UBE4B: variants seen among roughly 807,000 people sequenced by gnomAD.
UBE4B encodes the protein ubiquitination factor E4B.
UBE4B carries 27 observed loss-of-function variants against 148.1 expected under a neutral mutation model. The ratio of observed to expected loss-of-function variants is 0.18; its 90% CI spans 0.13 to 0.25. UBE4B has a LOEUF of 0.25. UBE4B is among the 10% of genes least tolerant of loss of function. The probability of loss-of-function intolerance (pLI) is 1.00; values close to 1 mark genes in which losing one functional copy is unlikely to be tolerated. For missense variants in UBE4B, 1,170 were observed against 1,662.4 expected (o/e 0.70, Z 5.15); for synonymous variants, 596 against 619.3 (o/e 0.96, Z 0.56).
intron 1 of UBE4B, among the ~76,000 whole-genome samples, chr1:10,061,973 G>C (rs987491682): frequency 6.7e-6 from 1 of 150,090 alleles, no homozygotes; most frequent in African/African-American, 2.5e-5. Context: ...GCAGTGGCGC[G>C]ATCTTGGCTC....
chr1:10,175,385 C>T (rs1052356250), intron 25 of UBE4B, among the ~76,000 whole-genome samples: 2 of 152,176 alleles, frequency 1.3e-5, no homozygotes, highest in Non-Finnish European at 2.9e-5. Context: ...GGTGCAGTGG[C>T]TCACGCCTGT....
chr1:10,102,945 C>G lies in UBE4B; in HGVS notation c.436-3C>G. On this transcript the variant is annotated splice_region_variant and splice_polypyrimidine_tract_variant and intron_variant, in intron 4 of 27. Coordinates refer to ENST00000343090, the MANE Select transcript of UBE4B (RefSeq NM_001105562.3). The stretch of plus-strand genomic sequence containing the variant: ...TTAACCTGCAAATCTTCTTCTTCAC[C>G]AGGAGCCTTCCTCGGGCCCTGAAGT... The G allele has an allele frequency of 6.2e-7, 1 of 1,602,074 alleles. No homozygotes were observed. Among genetic ancestry groups the G allele is most frequent in the Non-Finnish European group, 8.5e-7 (1 of 1,172,012 alleles).
intron 25 of UBE4B, among the ~76,000 whole-genome samples, chr1:10,174,721 A>T (rs1646391675): frequency 6.9e-6 from 1 of 143,934 alleles, no homozygotes; most frequent in African/African-American, 2.8e-5. Context: ...AAAAAAAAAA[A>T]AGTGTTTTTG....
chr1:10,149,187 A>G lies in UBE4B; in HGVS notation c.2595A>G (p.Ile865Met). ...GTCCTTTTTTTCTCTTTGACAGTAT[A>G]ACACTGCCTTTAAATTCAGATGTCC... ...LRILDPAYPD[I>M]TLPLNSDVPK... Residue 865 changes from isoleucine (I) to methionine (M), a missense_variant, in exon 20 of 28, where the codon ATA becomes ATG. Ile to Met is a conservative substitution (Grantham distance 10). Transcript: ENST00000343090. 6.2e-7 allele frequency: 1 copy of G among 1,603,192 alleles called. No individual in the cohort carries two copies. The highest frequency in any genetic ancestry group is 8.5e-7 in the Non-Finnish European group (1 of 1,176,784).
intron 2 of UBE4B, among the ~76,000 whole-genome samples, chr1:10,077,812 T>G (rs1643029928): frequency 6.6e-6 from 1 of 152,188 alleles, no homozygotes. Flanking sequence ...ATATTTCAAA[T>G]GTACATGATA....
intron 3 of UBE4B, among the ~76,000 whole-genome samples, chr1:10,095,873 G>C (rs934341734): frequency 6.6e-6 from 1 of 152,218 alleles, no homozygotes; most frequent in Non-Finnish European, 1.5e-5. Flanking sequence ...CCAGGTTCAA[G>C]TGATTCTCCT....
At chr1:10,073,653 G>A (rs1287324749) in intron 2 of UBE4B, among the ~76,000 whole-genome samples, 1 of 152,080 alleles carries the variant, frequency 6.6e-6, no homozygotes, top group Non-Finnish European at 1.5e-5. Context: ...CCGGGAGGTG[G>A]AGGTTGCAAT....
intron 14 of UBE4B, 45 bp downstream of exon 14, chr1:10,130,858 C>T (rs768388421): frequency 4.9e-5 from 75 of 1,545,062 alleles, no homozygotes; most frequent in Non-Finnish European, 6.5e-5. Flanking sequence ...CAAAGATGAG[C>T]TCCAGATACA....
intron 12 of UBE4B, among the ~76,000 whole-genome samples, chr1:10,129,791 C>T (rs979991745): frequency 1.3e-5 from 2 of 151,918 alleles, no homozygotes; most frequent in African/African-American, 4.8e-5. Context: ...GCTGGGAATA[C>T]AGGCATGCAT....
chr1:10,166,962 CACACACACAAA>C lies in UBE4B; in HGVS notation c.3199-1172_3199-1162del, dbSNP rs1375240044. Reference sequence around the variant, plus strand: ...TAAATCACACACACACACACACACACACACACACAAAAAAAAAAAATTAGCTGGGCATGGTG... The same window carrying C: ...TAAATCACACACACACACACACACACAAAAAAAAATTAGCTGGGCATGGTG... On this transcript the variant is annotated intron_variant, in intron 23 of 27. Transcript: ENST00000343090. 6.5e-4 allele frequency among the ~76,000 whole-genome samples: 92 copies of C among 141,864 alleles called. No homozygotes were observed. In the East Asian group the frequency reaches 7.7e-3, roughly 12 times the overall value. 93.1% of individuals were successfully genotyped at this position (141,864 alleles called of 152,430 possible).
chr1:10,176,842 G>T (rs1646436000), intron 25 of UBE4B, among the ~76,000 whole-genome samples: 2 of 144,302 alleles, frequency 1.4e-5, no homozygotes, highest in Admixed American at 1.4e-4. Flanking sequence ...CTGGAGTGCA[G>T]TGGTGCGATC....
intron 2 of UBE4B, among the ~76,000 whole-genome samples, chr1:10,091,956 C>T (rs1205534348): frequency 2.0e-5 from 3 of 151,942 alleles, no homozygotes; most frequent in African/African-American, 7.3e-5. Context: ...TCTGTGTTGC[C>T]CAGGCTGGTC....
At chr1:10,148,554 C>T (rs565223435) in intron 19 of UBE4B, among the ~76,000 whole-genome samples, 8 of 151,150 alleles carry the variant, frequency 5.3e-5, no homozygotes, top group African/African-American at 1.9e-4. Flanking sequence ...ATTGCTTGAA[C>T]CCAGGAGGCA....
chr1:10,072,278 GGTTGT>G, intron 2 of UBE4B, 64 bp downstream of exon 2: 3 of 1,553,286 alleles, frequency 1.9e-6, no homozygotes, highest in Non-Finnish European at 2.6e-6. Context: ...TTAAGCTGAT[GGTTGT>G]GATGTTTCCA....
At chr1:10,087,004 A>T (rs556796452) in intron 2 of UBE4B, among the ~76,000 whole-genome samples, 2,621 of 152,280 alleles carry the variant, frequency 0.017, 34 homozygotes, top group Non-Finnish European at 0.027. Context: ...TAGGTATGCT[A>T]AAAGTGGACA....
intron 17 of UBE4B, among the ~76,000 whole-genome samples, chr1:10,138,344 G>C (rs553614234): frequency 6.6e-6 from 1 of 151,880 alleles, no homozygotes; most frequent in Non-Finnish European, 1.5e-5. Flanking sequence ...TGATCCGCCC[G>C]CCTCAGCCTC....
chr1:10,103,873 G>A (rs1361365479), intron 5 of UBE4B, among the ~76,000 whole-genome samples: 10 of 151,992 alleles, frequency 6.6e-5, no homozygotes, highest in Non-Finnish European at 1.2e-4. Context: ...TGATCCGCCC[G>A]CCTTGGCCTC....
chr1:10,102,528 A>T (rs1445308374), intron 4 of UBE4B, among the ~76,000 whole-genome samples: 1 of 148,020 alleles, frequency 6.8e-6, no homozygotes, highest in Non-Finnish European at 1.5e-5. Context: ...CTCCTGCCTC[A>T]GCCTCCCAAG....
At chr1:10,178,082 G>A (rs530993400) in intron 25 of UBE4B, among the ~76,000 whole-genome samples, 63 of 152,162 alleles carry the variant, frequency 4.1e-4, no homozygotes, top group African/African-American at 1.4e-3. Flanking sequence ...GTGGTCTAAC[G>A]TCCATGGAGC....
Sources: gnomAD v4.1 joint callset for allele counts (sites outside exome capture counted in the v4.1 genomes callset) on GRCh38, gnomAD v4.1.1 for gene constraint, MANE v1.5 for transcripts, NCBI Gene and HGNC (gene_info 2026-07-23, HGNC 2026-07-21) for gene names.